BCOR: variants seen among roughly 807,000 people sequenced by gnomAD.
BCOR encodes the protein BCL6 corepressor.
Under a neutral mutation model 86.7 loss-of-function variants are expected in BCOR, and 10 were observed. That is an observed-to-expected ratio of 0.12 (90% confidence interval 0.07 to 0.20). BCOR has a LOEUF of 0.20. Among genes scored for constraint, BCOR ranks in the 10% least tolerant of loss-of-function variants. BCOR has a pLI of 1.00. For missense variants in BCOR, 1,259 were observed against 1,452.1 expected (o/e 0.87, Z 2.16); for synonymous variants, 611 against 609.0 (o/e 1.00, Z -0.05).
At chrX:40,168,379 G>T (rs1938548147) in intron 1 of BCOR, among the ~76,000 whole-genome samples, 2 of 112,693 alleles carry the variant, frequency 1.8e-5, no homozygotes, top group Non-Finnish European at 3.8e-5. Context: ...CGGGAGGGCG[G>T]AGAAGCCTCG....
Position 40,063,037 on chromosome X carries a change from C to T in BCOR, c.3882G>A (p.Lys1294=). 3.6e-6 allele frequency: 4 copies of T among 1,113,185 alleles called. No homozygotes were observed. Among genetic ancestry groups the T allele is most frequent in the Non-Finnish European group, 3.5e-6 (3 of 845,570 alleles). 91.7% of individuals were successfully genotyped at this position (1,113,185 alleles called of 1,213,427 possible). ...CGCCTGCACTGGTGGATGAAAGACT[C>T]TTCATGGGCGGAGAGCCGGAGAACA... ...LPVFSGSPPM[K]SLSSTSAGGK... is the part of the protein sequence containing the mutation. The change falls in exon 9 of 15, where the codon AAG becomes AAA. Residue 1294 remains lysine, a synonymous_variant. Transcript: ENST00000378444.
chrX:40,104,781 C>G (rs1336759539), intron 1 of BCOR, among the ~76,000 whole-genome samples: 1 of 113,170 alleles, frequency 8.8e-6, no homozygotes, highest in South Asian at 3.5e-4. Context: ...CGCCCTTCCC[C>G]GAAAAGCTTG....
chrX:40,061,738 G>A (rs1454936619), intron 10 of BCOR, among the ~76,000 whole-genome samples: 1 of 97,135 alleles, frequency 1.0e-5, no homozygotes, highest in Non-Finnish European at 2.0e-5. Context: ...CCTTCCACCC[G>A]AAACAGTACA....
chrX:40,100,866 CA>C (rs1429259115), upstream of BCOR, among the ~76,000 whole-genome samples: 2 of 110,014 alleles, frequency 1.8e-5, no homozygotes, highest in Non-Finnish European at 3.8e-5. Flanking sequence ...ACGTAATTTG[CA>C]ACATCCTCCC....
rs143252558 is a variant in BCOR, at chrX:40,074,281, C to T, written c.1065G>A (p.Ser355=). 5.4e-5 allele frequency: 65 copies of T among 1,210,401 alleles called. No individual in the cohort carries two copies. The highest frequency in any genetic ancestry group is 6.8e-5 in the Non-Finnish European group (61 of 895,289). ...TCCTGGCATAGTGCTTGTGGAACTCCGAGTAGGTGTCTGCAGCAGGCTGGG... is the reference window on the plus strand; with the variant it reads ...TCCTGGCATAGTGCTTGTGGAACTCTGAGTAGGTGTCTGCAGCAGGCTGGG... ...LPTQPAADTY[S]EFHKHYARIS... is the part of the protein sequence containing the mutation. The change falls in exon 4 of 15, where the codon TCG becomes TCA. Residue 355 remains serine, a synonymous_variant. Transcript: ENST00000378444.
At chrX:40,099,682 C>T (rs1442364065), upstream of BCOR, among the ~76,000 whole-genome samples, 1 of 112,516 alleles carries the variant, frequency 8.9e-6, no homozygotes, top group African/African-American at 3.2e-5. Context: ...TCACTACTGA[C>T]TGTGGGACTG....
chrX:40,171,791 G>A (rs908134874), intron 1 of BCOR, among the ~76,000 whole-genome samples: 5 of 113,428 alleles, frequency 4.4e-5, no homozygotes, highest in African/African-American at 1.3e-4. Flanking sequence ...GAGCCGGAAA[G>A]AAACACTTAA....
At position 40,074,884 on chromosome X, in the gene BCOR, T is replaced by G. The variant is rs1156820031; in HGVS notation, c.462A>C (p.Gly154=). Residue 154 remains glycine, a synonymous_variant, in exon 4 of 15, where the codon GGA becomes GGC. Coordinates refer to ENST00000378444, the MANE Select transcript of BCOR (RefSeq NM_001123385.2). ...CTGTGGCTACAGCACTTTTTTGTAT[T>G]CCAGGCGGTGTTTTGTATATAGCAC... ...GFSAIYKTPP[G]IQKSAVATAE... 1 of 1,211,029 alleles carries G rather than the reference T, an allele frequency of 8.3e-7. No homozygotes were observed. The highest frequency in any genetic ancestry group is 1.7e-5 in the African/African-American group (1 of 57,502).
intron 5 of BCOR, 98 bp downstream of exon 5, chrX:40,071,539 C>T (rs970149220): frequency 2.0e-5 from 12 of 614,713 alleles, no homozygotes; most frequent in Middle Eastern, 3.1e-4. Flanking sequence ...TGAATAAAGA[C>T]GACCATGGCC....
At chrX:40,132,328 G>C (rs1937611302) in intron 1 of BCOR, among the ~76,000 whole-genome samples, 1 of 111,658 alleles carries the variant, frequency 9.0e-6, no homozygotes, top group Admixed American at 9.5e-5. Context: ...AAAGAGTTGG[G>C]GTTTTTTTTG....
intron 1 of BCOR, among the ~76,000 whole-genome samples, chrX:40,089,231 T>G (rs1011490490): frequency 9.0e-6 from 1 of 111,446 alleles, no homozygotes; most frequent in Non-Finnish European, 1.9e-5. Flanking sequence ...ATCCTAAAGG[T>G]GGATAATTAT....
chrX:40,104,917 G>C (rs1189671135), intron 1 of BCOR, among the ~76,000 whole-genome samples: 2 of 111,539 alleles, frequency 1.8e-5, no homozygotes, highest in African/African-American at 6.5e-5. Flanking sequence ...CCCCAAGGCC[G>C]GGCTCAGGCG....
Position 40,073,705 on chromosome X carries a change from C to G in BCOR, c.1641G>C (p.Met547Ile). Residue 547 changes from methionine (M) to isoleucine (I), a missense_variant, in exon 4 of 15, where the codon ATG (methionine) becomes ATC (isoleucine). Around this residue, in one of 7 missense-constraint regions of BCOR, gnomAD observed 534 missense variants for 594.8 expected, o/e 0.90. Transcript: ENST00000378444. ...PQQRSSSCPRMGGTDAVITNV... is the reference protein window; with the variant it reads ...PQQRSSSCPRIGGTDAVITNV... The stretch of plus-strand genomic sequence containing the variant: ...TAGTGATGACAGCATCGGTGCCGCC[C>G]ATGCGCGGGCATGATGAACTCCGCT... 1 of 1,212,534 alleles carries G rather than the reference C, an allele frequency of 8.2e-7. No homozygotes were observed.
At chrX:40,087,317 A>G (rs1008889380) in intron 1 of BCOR, among the ~76,000 whole-genome samples, 1 of 113,239 alleles carries the variant, frequency 8.8e-6, no homozygotes, top group Non-Finnish European at 1.9e-5. Context: ...ACATTTCCAT[A>G]ATCGTCATTA....
intron 1 of BCOR, among the ~76,000 whole-genome samples, chrX:40,093,943 A>G (rs1421290067): frequency 2.7e-5 from 3 of 111,332 alleles, no homozygotes; most frequent in Non-Finnish European, 5.7e-5. Context: ...GTCAAACTAG[A>G]TCATCTAGCA....
chrX:40,117,557 C>T (rs1476253477), intron 1 of BCOR, among the ~76,000 whole-genome samples: 1 of 111,351 alleles, frequency 9.0e-6, no homozygotes, highest in Non-Finnish European at 1.9e-5. Flanking sequence ...ATTATAATGT[C>T]ATGCCTGCTC....
In BCOR at chrX:40,131,359, G is replaced by A. The variant is rs762981989; in HGVS notation, c.-41+45648C>T. On this transcript the variant is annotated intron_variant, in intron 1 of 14. Coordinates refer to the BCOR transcript ENST00000342274. Reference sequence around the variant, plus strand: ...TATCCAAAAGGACTAGAAATGACTAGAAACTGAGAAAAACAGGCCAGGCGC... The same window carrying A: ...TATCCAAAAGGACTAGAAATGACTAAAAACTGAGAAAAACAGGCCAGGCGC... Among the ~76,000 whole-genome samples the A allele has an allele frequency of 2.9e-3, 328 of 112,535 alleles. 1 individual carries two copies. The highest frequency in any genetic ancestry group is 0.01 in the African/African-American group (316 of 31,052).
Position 40,073,872 on chromosome X carries a change from T to C in BCOR, c.1474A>G (p.Asn492Asp). Residue 492 changes from asparagine to aspartate, a missense_variant, in exon 4 of 15, where the codon AAT becomes GAT. Physicochemically the swap from Asn to Asp is conservative, Grantham distance 23. Coordinates refer to ENST00000378444, the MANE Select transcript of BCOR (RefSeq NM_001123385.2). Reference sequence around the variant, plus strand: ...TCAGATCTATAGATAGCACAACCATTTCCTGGAGGAGATAGTGTTTCTTTC... The same window carrying C: ...TCAGATCTATAGATAGCACAACCATCTCCTGGAGGAGATAGTGTTTCTTTC... ...IPKETLSPPG[N>D]GCAIYRSEII... The C allele has an allele frequency of 5.8e-6, 7 of 1,212,250 alleles. No individual in the cohort carries two copies. The highest frequency in any genetic ancestry group is 7.8e-6 in the Non-Finnish European group (7 of 895,584).
chrX:40,167,574 G>T (rs1938529101), intron 1 of BCOR, among the ~76,000 whole-genome samples: 1 of 113,029 alleles, frequency 8.8e-6, no homozygotes, highest in Admixed American at 9.3e-5. Context: ...TTTCTAAAAA[G>T]AAAACCCGTG....
Sources: allele counts gnomAD v4.1 joint callset (sites outside exome capture counted in the v4.1 genomes callset), GRCh38; gene constraint gnomAD v4.1.1; regional missense constraint gnomAD v4.1.1; transcripts MANE v1.5; gene names NCBI Gene and HGNC (gene_info 2026-07-23, HGNC 2026-07-21).